The following ECE1 variants were observed in gnomAD, a reference collection of about 807,000 sequenced individuals.
ECE1 encodes endothelin converting enzyme 1.
Under a neutral mutation model 98.6 loss-of-function variants are expected in ECE1, and 35 were observed. The ratio of observed to expected loss-of-function variants is 0.35; its 90% CI spans 0.27 to 0.47. The LOEUF (loss-of-function observed/expected upper bound fraction) is 0.47. Ranked by LOEUF, ECE1 falls within the 20% of genes least tolerant of loss-of-function variation. The probability of loss-of-function intolerance (pLI) is 1.00; values close to 1 mark genes in which losing one functional copy is unlikely to be tolerated. For synonymous variants in ECE1, 394 were observed against 407.1 expected (o/e 0.97, Z 0.39); for missense variants, 814 against 1,025.3 (o/e 0.79, Z 2.81).
chr1:21,285,709 A>AAAAG (rs397979521), intron 2 of ECE1, among the ~76,000 whole-genome samples: 1 of 149,192 alleles, frequency 6.7e-6, no homozygotes, highest in African/African-American at 2.5e-5. Context: ...AAAAAAAAAA[A>AAAAG]GGCTGGGCAC....
chr1:21,303,160 G>A (rs2103380587), intron 1 of ECE1, among the ~76,000 whole-genome samples: 1 of 152,322 alleles, frequency 6.6e-6, no homozygotes, highest in East Asian at 1.9e-4. Context: ...GACATGCAAA[G>A]TGCCCGAGCC....
rs999331957 is a variant in ECE1 at position 21,319,352 on chromosome 1, T to G, written c.3+26024A>C. Reference sequence around the variant, plus strand: ...AGAGCGAGACTCCGTCTCAAAATAATAATAATCATAATCATAATCATAATC... The same window carrying G: ...AGAGCGAGACTCCGTCTCAAAATAAGAATAATCATAATCATAATCATAATC... On this transcript the variant is annotated intron_variant, in intron 1 of 18. Transcript: ENST00000415912. This position sits in a 1 kb window ranked among gnomAD's most constrained non-coding sequence, Gnocchi z 4.4. 6.7e-6 allele frequency among the ~76,000 whole-genome samples: 1 copy of G among 149,516 alleles called. No homozygotes were observed. The highest frequency in any genetic ancestry group is 2.5e-5 in the African/African-American group (1 of 40,434).
At chr1:21,338,683 G>A (rs1228154952) in intron 1 of ECE1, among the ~76,000 whole-genome samples, 1 of 152,380 alleles carries the variant, frequency 6.6e-6, no homozygotes, top group Non-Finnish European at 1.5e-5. Flanking sequence ...AAGGAAGACC[G>A]TGGTTCAGGA....
At chr1:21,265,526 G>A (rs2098232842) in intron 4 of ECE1, among the ~76,000 whole-genome samples, 1 of 152,026 alleles carries the variant, frequency 6.6e-6, no homozygotes, top group African/African-American at 2.4e-5. Flanking sequence ...ATCGAGACTT[G>A]GTTTCAAACA....
chr1:21,226,611 C>G (rs1172473784), intron 16 of ECE1, among the ~76,000 whole-genome samples: 2 of 152,124 alleles, frequency 1.3e-5, no homozygotes, highest in East Asian at 3.9e-4. Flanking sequence ...TTCACTGTAG[C>G]CTCAAACTCA....
rs1639384926 is a variant in ECE1, at chr1:21,340,873, GA to G, written c.3+4502del. Among the ~76,000 whole-genome samples, 1 of 152,020 alleles carries G rather than the reference GA, an allele frequency of 6.6e-6. No individual in the cohort carries two copies. The highest frequency in any genetic ancestry group is 1.5e-5 in the Non-Finnish European group (1 of 67,986). On this transcript the variant is annotated intron_variant, in intron 1 of 18. Coordinates refer to the ECE1 transcript ENST00000415912. This position sits in a 1 kb window ranked among gnomAD's most constrained non-coding sequence, Gnocchi z 4.6. Reference sequence around the variant, plus strand: ...AATTAAATTTAAAAAATAAACTCCTGAGTGGCTCCCCACTGCCCTAAGGATT... The same window carrying G: ...AATTAAATTTAAAAAATAAACTCCTGGTGGCTCCCCACTGCCCTAAGGATT...
intron 1 of ECE1, among the ~76,000 whole-genome samples, chr1:21,318,948 C>T (rs1638901924): frequency 6.6e-6 from 1 of 152,230 alleles, no homozygotes; most frequent in Non-Finnish European, 1.5e-5. Flanking sequence ...TCCGAAAATG[C>T]TTCCGTAAAC....
chr1:21,263,714 G>A (rs1184615616), intron 4 of ECE1, among the ~76,000 whole-genome samples: 1 of 152,072 alleles, frequency 6.6e-6, no homozygotes, highest in Non-Finnish European at 1.5e-5. Flanking sequence ...GACAGGATGA[G>A]GGGGCCCCGC....
At chr1:21,297,883 G>A (rs1451542599) in intron 1 of ECE1, 1 of 152,030 alleles carries the variant, frequency 6.6e-6, no homozygotes. Context: ...TGTCACCCAG[G>A]CTGGAGTGCA....
At chr1:21,302,136 G>T (rs1379105898) in intron 1 of ECE1, among the ~76,000 whole-genome samples, 2 of 152,206 alleles carry the variant, frequency 1.3e-5, no homozygotes, top group Non-Finnish European at 2.9e-5. Flanking sequence ...CGGGTATTAG[G>T]TCTTAGTCAG....
At chr1:21,222,841 C>CAAAAAA (rs888811259) in intron 17 of ECE1, among the ~76,000 whole-genome samples, 1 of 27,794 alleles carries the variant, frequency 3.6e-5, no homozygotes, top group Non-Finnish European at 6.2e-5. Context: ...GACCCTGTCT[C>CAAAAAA]AAAAAAAAAA....
intron 1 of ECE1, among the ~76,000 whole-genome samples, chr1:21,296,620 T>A (rs955629708): frequency 1.3e-5 from 2 of 152,216 alleles, no homozygotes; most frequent in African/African-American, 4.8e-5. Context: ...TACTCTTGTG[T>A]CTTACAATCA....
At chr1:21,321,035 C>A (rs905970415) in intron 1 of ECE1, among the ~76,000 whole-genome samples, 11 of 151,994 alleles carry the variant, frequency 7.2e-5, no homozygotes, top group Non-Finnish European at 1.6e-4. Flanking sequence ...CAGATATTTT[C>A]CCACATAATC....
At chr1:21,259,835 G>A (rs532905855) in intron 5 of ECE1, among the ~76,000 whole-genome samples, 3 of 152,210 alleles carry the variant, frequency 2.0e-5, no homozygotes, top group South Asian at 2.1e-4. Context: ...CCCTGCTCAC[G>A]GGGAGGGCTC....
rs114386139 is a variant in ECE1 at position 21,253,402 on chromosome 1, T to A, written c.1020+2545A>T. ...ACATAATTTTAAAAATATGCATATA[T>A]ACCCATTTATTCTGGGAGATAGTCC... On this transcript the variant is annotated intron_variant, in intron 8 of 18. Coordinates refer to ENST00000374893, the MANE Select transcript of ECE1 (RefSeq NM_001397.3). 3.0e-3 allele frequency among the ~76,000 whole-genome samples: 450 copies of A among 152,154 alleles called. 1 individual carries two copies. The highest frequency in any genetic ancestry group is 0.011 in the African/African-American group (436 of 41,524).
intron 1 of ECE1, among the ~76,000 whole-genome samples, chr1:21,323,874 A>G (rs183328543): frequency 1.6e-4 from 24 of 150,242 alleles, no homozygotes; most frequent in African/African-American, 5.9e-4. Context: ...CTGGAGTGCA[A>G]TGGTGCAATC....
intron 9 of ECE1, 135 bp downstream of exon 9, chr1:21,247,086 G>T: frequency 8.0e-7 from 1 of 1,243,830 alleles, no homozygotes; most frequent in Non-Finnish European, 1.2e-6. Context: ...TAACCAGGAT[G>T]TCCTGCTGCC....
At chr1:21,252,582 G>A (rs1001570360) in intron 8 of ECE1, among the ~76,000 whole-genome samples, 1 of 152,226 alleles carries the variant, frequency 6.6e-6, no homozygotes. Context: ...AGAAAGGAAG[G>A]GGAAGGTCCT....
intron 16 of ECE1, 26 bp downstream of exon 16, chr1:21,227,133 C>T: frequency 1.2e-6 from 2 of 1,611,564 alleles, no homozygotes; most frequent in Non-Finnish European, 8.5e-7. Flanking sequence ...CAGGCATGAG[C>T]CATCGTGCCC....
Sources: gnomAD v4.1 joint callset for allele counts (sites outside exome capture counted in the v4.1 genomes callset) on GRCh38, gnomAD v4.1.1 for gene constraint, Gnocchi (gnomAD v3.1) non-coding constraint, MANE v1.5 for transcripts, NCBI Gene and HGNC (gene_info 2026-07-23, HGNC 2026-07-21) for gene names.